Variants in TBC1D5 observed in about 807,000 individuals in gnomAD.
TBC1D5 encodes TBC1 domain family, member 5.
TBC1D5 carries 75 observed loss-of-function variants against 100.3 expected under a neutral mutation model. The ratio of observed to expected loss-of-function variants is 0.75; its 90% confidence interval spans 0.62 to 0.91. The LOEUF (loss-of-function observed/expected upper bound fraction) is 0.91. Among genes scored for constraint, TBC1D5 ranks in the 40% least tolerant of loss-of-function variants. The pLI is 0.00. For synonymous variants in TBC1D5, 323 were observed against 325.6 expected (o/e 0.99, Z 0.09); for missense variants, 910 against 942.4 (o/e 0.97, Z 0.45).
At chr3:17,407,442 C>T (rs878935767) in intron 4 of TBC1D5, among the ~76,000 whole-genome samples, 1 of 152,056 alleles carries the variant, frequency 6.6e-6, no homozygotes, top group Admixed American at 6.6e-5. Flanking sequence ...TTACATATAA[C>T]TTAACATTTA....
chr3:17,700,891 A>T (rs2073078185), intron 1 of TBC1D5, among the ~76,000 whole-genome samples: 1 of 152,184 alleles, frequency 6.6e-6, no homozygotes, highest in Admixed American at 6.5e-5. Context: ...GGGACTGTAA[A>T]CCAGTTCAAC....
At position 17,405,373 on chromosome 3, in the gene TBC1D5, A is replaced by G. The variant is rs374177951; in HGVS notation, c.277-412T>C. ...GGTTTTGTTTTAAAACAAGCTGGTA[A>G]AAGTTAGTGAACAACAGTCTCACTG... On this transcript the variant is annotated intron_variant, in intron 5 of 21. Transcript: ENST00000253692. Among the ~76,000 whole-genome samples, 23 of 152,202 alleles carry G rather than the reference A, an allele frequency of 1.5e-4. No individual in the cohort carries two copies. The East Asian group carries it at 3.7e-3, about 24-fold the overall frequency.
chr3:17,209,440 C>T (rs904953456), intron 18 of TBC1D5, among the ~76,000 whole-genome samples: 1 of 152,318 alleles, frequency 6.6e-6, no homozygotes, highest in South Asian at 2.1e-4. Context: ...CGTGAGCCAC[C>T]ACAGCTGGCC....
chr3:17,730,319 C>G (rs777125992), intron 1 of TBC1D5, among the ~76,000 whole-genome samples: 20 of 152,200 alleles, frequency 1.3e-4, no homozygotes, highest in African/African-American at 2.4e-5. Context: ...TGGGCTGACT[C>G]TGTCTTCTTA....
chr3:17,604,277 T>A (rs890380856), intron 2 of TBC1D5, among the ~76,000 whole-genome samples: 5 of 152,114 alleles, frequency 3.3e-5, no homozygotes, highest in African/African-American at 9.7e-5. Flanking sequence ...TTAAAGGCAA[T>A]CCCAGAATTT....
At chr3:17,468,835 A>C (rs2095340010) in intron 3 of TBC1D5, among the ~76,000 whole-genome samples, 1 of 152,218 alleles carries the variant, frequency 6.6e-6, no homozygotes, top group South Asian at 2.1e-4. Context: ...GAGACAGAAA[A>C]ATATTTCCTA....
intron 2 of TBC1D5, among the ~76,000 whole-genome samples, chr3:17,543,492 G>T (rs894467203): frequency 2.6e-5 from 4 of 151,950 alleles, no homozygotes; most frequent in African/African-American, 9.7e-5. Flanking sequence ...ATAAAAATTA[G>T]CCAGGTGTGG....
At chr3:17,273,536 C>G (rs1219020701) in intron 15 of TBC1D5, among the ~76,000 whole-genome samples, 3 of 152,226 alleles carry the variant, frequency 2.0e-5, no homozygotes, top group Non-Finnish European at 4.4e-5. Flanking sequence ...TTACACGCAG[C>G]CACCCTCTGC....
At chr3:17,672,601 T>C (rs1488025635) in intron 1 of TBC1D5, 2 of 152,196 alleles carry the variant, frequency 1.3e-5, no homozygotes, top group East Asian at 1.9e-4. Flanking sequence ...TTTATGTTTT[T>C]TTGTACTAGG....
chr3:17,589,637 C>T (rs1466125043), intron 2 of TBC1D5, among the ~76,000 whole-genome samples: 1 of 152,176 alleles, frequency 6.6e-6, no homozygotes, highest in East Asian at 1.9e-4. Flanking sequence ...TTTTGTAAAT[C>T]GTCCAGTCTT....
chr3:17,229,413 C>G (rs986014477), intron 17 of TBC1D5, among the ~76,000 whole-genome samples: 3 of 152,136 alleles, frequency 2.0e-5, no homozygotes, highest in African/African-American at 7.2e-5. Flanking sequence ...CTAGCTTGAC[C>G]ACAAAAGTCA....
At chr3:17,344,826 C>G (rs2089617031) in intron 13 of TBC1D5, among the ~76,000 whole-genome samples, 1 of 152,196 alleles carries the variant, frequency 6.6e-6, no homozygotes, top group Non-Finnish European at 1.5e-5. Context: ...AAAGGATTCT[C>G]TATTTAATAA....
intron 16 of TBC1D5, among the ~76,000 whole-genome samples, chr3:17,245,855 T>A (rs1304179859): frequency 6.6e-6 from 1 of 152,228 alleles, no homozygotes; most frequent in Non-Finnish European, 1.5e-5. Flanking sequence ...CTCACCTGTA[T>A]CTGAGGGATA....
At chr3:17,529,082 A>AT (rs1337561283) in intron 2 of TBC1D5, among the ~76,000 whole-genome samples, 1 of 152,160 alleles carries the variant, frequency 6.6e-6, no homozygotes, top group African/African-American at 2.4e-5. Flanking sequence ...AGTTAGATTG[A>AT]TTTTTAAAAC....
chr3:17,394,095 C>T (rs886857816), intron 8 of TBC1D5, among the ~76,000 whole-genome samples: 15 of 152,118 alleles, frequency 9.9e-5, no homozygotes, highest in Admixed American at 2.6e-4. Flanking sequence ...GTGCGCAAAA[C>T]AACCTCTCAA....
In TBC1D5 at chr3:17,538,766, T is replaced by C. The variant is rs555636263; in HGVS notation, c.-35-30161A>G. Among the ~76,000 whole-genome samples, 11 of 152,318 alleles carry C rather than the reference T, an allele frequency of 7.2e-5. No homozygotes were observed. In the East Asian group the frequency reaches 7.7e-4, roughly 11 times the overall value. On this transcript the variant is annotated intron_variant, in intron 2 of 21. Transcript: ENST00000253692. ...TAAAGACTAGAAACCCAGTCGGGCATGGTGGCTCATGCCTATAATCCCAGT... is the reference window on the plus strand; with the variant it reads ...TAAAGACTAGAAACCCAGTCGGGCACGGTGGCTCATGCCTATAATCCCAGT...
intron 9 of TBC1D5, among the ~76,000 whole-genome samples, chr3:17,380,039 C>CTGTGTGTGTGTGTG (rs1442340088): frequency 4.0e-5 from 4 of 100,132 alleles, no homozygotes; most frequent in Admixed American, 1.2e-4. Flanking sequence ...ACAGCTGTGA[C>CTGTGTGTGTGTGTG]TGTGTATGTG....
chr3:17,164,356 G>A (rs1056152095), intron 21 of TBC1D5, among the ~76,000 whole-genome samples: 2 of 152,174 alleles, frequency 1.3e-5, no homozygotes, highest in Non-Finnish European at 2.9e-5. Context: ...AGAAAGCACC[G>A]AAAACCCATC....
intron 8 of TBC1D5, among the ~76,000 whole-genome samples, chr3:17,401,333 AT>A: frequency 2.5e-4 from 3 of 11,852 alleles, no homozygotes; most frequent in Admixed American, 2.0e-3. Context: ...TATAATATAC[AT>A]ATATGTATAA....
Sources: gnomAD v4.1 joint callset for allele counts (sites outside exome capture counted in the v4.1 genomes callset) on GRCh38, gnomAD v4.1.1 for gene constraint, MANE v1.5 for transcripts, NCBI Gene and HGNC (gene_info 2026-07-23, HGNC 2026-07-21) for gene names.